The following STXBP5L variants were observed in gnomAD, a reference collection of about 807,000 sequenced individuals.
The protein encoded by STXBP5L is syntaxin binding protein 5L, also known as syntaxin-binding protein 5-like.
A neutral mutation model predicts 144.5 loss-of-function variants in STXBP5L; 65 were observed. The ratio of observed to expected loss-of-function variants is 0.45; its 90% confidence interval spans 0.37 to 0.55. The LOEUF (loss-of-function observed/expected upper bound fraction) is 0.55. Ranked by LOEUF, STXBP5L falls within the 20% of genes least tolerant of loss-of-function variation. STXBP5L has a pLI of 0.00. For missense variants in STXBP5L, 1,298 were observed against 1,405.5 expected (o/e 0.92, Z 1.22); for synonymous variants, 505 against 469.6 (o/e 1.08, Z -0.97).
chr3:121,214,636 T>C (rs2048706813), intron 10 of STXBP5L, among the ~76,000 whole-genome samples: 1 of 152,204 alleles, frequency 6.6e-6, no homozygotes, highest in African/African-American at 2.4e-5. Flanking sequence ...ATGTCATCAA[T>C]TTTAGAATAA....
At chr3:121,068,577 C>T (rs1393454988) in intron 5 of STXBP5L, among the ~76,000 whole-genome samples, 1 of 152,020 alleles carries the variant, frequency 6.6e-6, no homozygotes, top group Non-Finnish European at 1.5e-5. Context: ...ATTTCTTTTA[C>T]CACTTCTTTA....
chr3:121,275,873 T>C (rs796076099), intron 18 of STXBP5L, among the ~76,000 whole-genome samples: 9 of 152,234 alleles, frequency 5.9e-5, no homozygotes, highest in African/African-American at 1.9e-4. Context: ...TCATTGTAAA[T>C]GTTTTCCATC....
chr3:121,368,983 C>A (rs1403298711), intron 20 of STXBP5L, among the ~76,000 whole-genome samples: 1 of 152,124 alleles, frequency 6.6e-6, no homozygotes, highest in East Asian at 1.9e-4. Context: ...TCTTTGTTTG[C>A]ACTTCTGTGA....
intron 5 of STXBP5L, among the ~76,000 whole-genome samples, chr3:121,076,257 G>T (rs989763151): frequency 6.6e-6 from 1 of 152,156 alleles, no homozygotes; most frequent in African/African-American, 2.4e-5. Flanking sequence ...GCTCCTCTCT[G>T]CATGGTGTTG....
intron 19 of STXBP5L, among the ~76,000 whole-genome samples, chr3:121,303,643 A>C (rs113158315): frequency 6.6e-6 from 1 of 152,100 alleles, no homozygotes; most frequent in East Asian, 1.9e-4. Flanking sequence ...GTCCATCAAT[A>C]ATAGACTGGA....
chr3:120,926,828 T>G (rs182448851), intron 2 of STXBP5L, among the ~76,000 whole-genome samples: 2 of 152,260 alleles, frequency 1.3e-5, no homozygotes, highest in African/African-American at 4.8e-5. Flanking sequence ...GGGCCTCTAG[T>G]GAGTTTTTCA....
intron 5 of STXBP5L, among the ~76,000 whole-genome samples, chr3:121,055,493 A>T (rs561942306): frequency 2.0e-5 from 3 of 152,088 alleles, no homozygotes; most frequent in South Asian, 4.2e-4. Context: ...ATAGGCTTTC[A>T]TTATTATTAT....
At chr3:121,190,547 C>T (rs2047602717) in intron 9 of STXBP5L, among the ~76,000 whole-genome samples, 1 of 152,220 alleles carries the variant, frequency 6.6e-6, no homozygotes, top group Non-Finnish European at 1.5e-5. Flanking sequence ...TCATCATGGC[C>T]CCTTCTCAAT....
At chr3:121,026,033 GTT>G (rs970081972) in intron 3 of STXBP5L, among the ~76,000 whole-genome samples, 26 of 135,492 alleles carry the variant, frequency 1.9e-4, no homozygotes, top group Middle Eastern at 3.8e-3. Context: ...AATTTTATAA[GTT>G]ATATATAATT....
intron 3 of STXBP5L, among the ~76,000 whole-genome samples, chr3:120,976,523 G>A (rs1258141271): frequency 6.6e-6 from 1 of 152,088 alleles, no homozygotes; most frequent in Non-Finnish European, 1.5e-5. Context: ...TTTTTGAAGG[G>A]TTTTTTATGT....
chr3:121,354,478 CTT>C (rs949857057), intron 20 of STXBP5L, among the ~76,000 whole-genome samples: 13 of 111,222 alleles, frequency 1.2e-4, no homozygotes, highest in African/African-American at 4.0e-4. Flanking sequence ...TTTAAAGTCT[CTT>C]TTGTCAGAGG....
At chr3:121,042,422 TA>T (rs1486749368) in intron 4 of STXBP5L, among the ~76,000 whole-genome samples, 4 of 152,266 alleles carry the variant, frequency 2.6e-5, no homozygotes, top group South Asian at 4.1e-4. Context: ...ATCAGATTTT[TA>T]TAGTGGAAAT....
chr3:121,269,423 GTGTATATATATATA>G (rs1320305677), intron 18 of STXBP5L, among the ~76,000 whole-genome samples: 2 of 151,782 alleles, frequency 1.3e-5, no homozygotes, highest in East Asian at 3.9e-4. Context: ...ATGTGTGTGT[GTGTATATATATATA>G]TGTATATATA....
At chr3:121,028,978 T>C (rs1210446505) in intron 3 of STXBP5L, among the ~76,000 whole-genome samples, 1 of 152,124 alleles carries the variant, frequency 6.6e-6, no homozygotes, top group Non-Finnish European at 1.5e-5. Flanking sequence ...ACAAGGGATG[T>C]GAAGGACCTC....
intron 7 of STXBP5L, among the ~76,000 whole-genome samples, chr3:121,125,067 A>G (rs1004176511): frequency 2.6e-5 from 4 of 152,182 alleles, no homozygotes. Context: ...CTTTAAACAT[A>G]TTTGTATTTC....
At chr3:121,325,189 A>C (rs1330583242) in intron 20 of STXBP5L, among the ~76,000 whole-genome samples, 1 of 152,052 alleles carries the variant, frequency 6.6e-6, no homozygotes, top group Non-Finnish European at 1.5e-5. Context: ...GAAATTAGGC[A>C]TTATCGCAAA....
chr3:120,970,690 G>T (rs931602386), intron 3 of STXBP5L, among the ~76,000 whole-genome samples: 3 of 151,864 alleles, frequency 2.0e-5, no homozygotes, highest in African/African-American at 7.3e-5. Flanking sequence ...TCCTATACCT[G>T]GACGATGTCT....
In STXBP5L at chr3:120,978,616, G is replaced by T. The variant is rs574626461; in HGVS notation, c.287+23579G>T. 3.9e-5 allele frequency among the ~76,000 whole-genome samples: 6 copies of T among 152,248 alleles called. No individual in the cohort carries two copies. In the South Asian group the frequency reaches 1.2e-3, roughly 32 times the overall value. ...ACTGCATTCCTTTGGAGGATGAGAG[G>T]CACTCTGCTTTTTAGAGTTTCCAGT... On this transcript the variant is annotated intron_variant, in intron 3 of 26. Transcript: ENST00000471454.
intron 5 of STXBP5L, among the ~76,000 whole-genome samples, chr3:121,058,745 CAT>C (rs1190644349): frequency 1.1e-4 from 16 of 152,284 alleles, no homozygotes; most frequent in South Asian, 4.1e-4. Flanking sequence ...AGCTGTTTTT[CAT>C]ATGTTTGTTG....
Sources: gnomAD v4.1 joint callset for allele counts (sites outside exome capture counted in the v4.1 genomes callset) on GRCh38, gnomAD v4.1.1 for gene constraint, MANE v1.5 for transcripts, NCBI Gene and HGNC (gene_info 2026-07-23, HGNC 2026-07-21) for gene names.